The following TEX36 variants were observed in gnomAD, a reference collection of about 807,000 sequenced individuals.
TEX36 encodes testis expressed 36, also known as testis-expressed protein 36.
A neutral mutation model predicts 13.6 loss-of-function variants in TEX36; 12 were observed. That is an observed-to-expected ratio of 0.88 (90% CI 0.56 to 1.43). The LOEUF (loss-of-function observed/expected upper bound fraction) is 1.43. Ranked by LOEUF, TEX36 falls within the 40% of genes most tolerant of loss-of-function variation. TEX36 has a pLI of 0.00. For synonymous variants in TEX36, 93 were observed against 83.0 expected, an observed-to-expected ratio of 1.12 and a Z score of -0.65; for missense variants, 224 against 228.3, an observed-to-expected ratio of 0.98 and a Z score of 0.12.
chr10:125,658,223 T>C lies in TEX36; in HGVS notation c.265-2027A>G, dbSNP rs1237150670. On this transcript the variant is annotated intron_variant, in intron 3 of 3. Coordinates refer to ENST00000368821, the MANE Select transcript of TEX36 (RefSeq NM_001128202.3). The stretch of plus-strand genomic sequence containing the variant: ...ATTATGGAGACAAAGGAATGGCCCA[T>C]AACATAAAGAACAAACATTAGCAAA... 2.6e-5 allele frequency among the ~76,000 whole-genome samples: 4 copies of C among 151,882 alleles called. No individual in the cohort carries two copies. The South Asian group carries it at 6.2e-4, about 24-fold the overall frequency.
intron 1 of TEX36, chr10:125,667,203 A>G: frequency 1.5e-6 from 1 of 645,210 alleles, no homozygotes; most frequent in Non-Finnish European, 2.9e-6. Context: ...TCACCATGGC[A>G]ATCTCCTCGT....
At chr10:125,623,051 T>A (rs1846447105) in intron 3 of TEX36, among the ~76,000 whole-genome samples, 1 of 152,188 alleles carries the variant, frequency 6.6e-6, no homozygotes, top group Admixed American at 6.5e-5. Context: ...TTTCATCCCT[T>A]GATTCCTGGA....
intron 1 of TEX36, among the ~76,000 whole-genome samples, chr10:125,682,321 G>C (rs1847409300): frequency 1.3e-5 from 2 of 152,238 alleles, no homozygotes; most frequent in African/African-American, 4.8e-5. Context: ...AGAAGAGCAA[G>C]AGTTGGGGGA....
At chr10:125,639,813 G>A (rs1395822839) in intron 3 of TEX36, among the ~76,000 whole-genome samples, 1 of 152,170 alleles carries the variant, frequency 6.6e-6, no homozygotes, top group African/African-American at 2.4e-5. Flanking sequence ...ATTCTTTGGA[G>A]GAACAATAAG....
chr10:125,619,544 G>T (rs921109282), downstream of TEX36, among the ~76,000 whole-genome samples: 1 of 152,008 alleles, frequency 6.6e-6, no homozygotes, highest in Non-Finnish European at 1.5e-5. Flanking sequence ...GAAGTAATTT[G>T]TTTTTTGTTT....
chr10:125,674,391 T>C (rs1057201679), intron 1 of TEX36, among the ~76,000 whole-genome samples: 8 of 152,222 alleles, frequency 5.3e-5, no homozygotes, highest in African/African-American at 1.9e-4. Flanking sequence ...GTGAAGTTTG[T>C]TATTACTCAC....
chr10:125,598,186 G>A (rs1846104793), intron 3 of TEX36, among the ~76,000 whole-genome samples: 1 of 152,140 alleles, frequency 6.6e-6, no homozygotes, highest in Non-Finnish European at 1.5e-5. Flanking sequence ...GTGTATGGTT[G>A]TTTGTCACGT....
At chr10:125,582,929 C>T (rs1044949992) in intron 3 of TEX36, among the ~76,000 whole-genome samples, 4 of 152,138 alleles carry the variant, frequency 2.6e-5, no homozygotes, top group Non-Finnish European at 5.9e-5. Context: ...TAGTTGTATT[C>T]CATGGAGATC....
chr10:125,618,359 C>T (rs113943489), downstream of TEX36, among the ~76,000 whole-genome samples: 20 of 152,204 alleles, frequency 1.3e-4, no homozygotes, highest in South Asian at 6.2e-4. Flanking sequence ...GGAGGAGAGG[C>T]GCTCTGCTTT....
At chr10:125,595,373 C>A (rs912999641) in intron 3 of TEX36, among the ~76,000 whole-genome samples, 10 of 152,140 alleles carry the variant, frequency 6.6e-5, no homozygotes, top group Non-Finnish European at 1.5e-4. Flanking sequence ...CAAAATCAGA[C>A]AAGAACATTC....
intron 3 of TEX36, among the ~76,000 whole-genome samples, chr10:125,632,587 A>G (rs993562563): frequency 2.0e-5 from 3 of 152,176 alleles, no homozygotes; most frequent in African/African-American, 7.2e-5. Flanking sequence ...AGGAATGCCT[A>G]GAAGAGAAGC....
intron 3 of TEX36, among the ~76,000 whole-genome samples, chr10:125,592,961 C>A (rs1324748603): frequency 6.6e-6 from 1 of 152,188 alleles, no homozygotes; most frequent in African/African-American, 2.4e-5. Context: ...CCAGGAACCT[C>A]CATGGGTTCA....
intron 3 of TEX36, among the ~76,000 whole-genome samples, chr10:125,603,149 T>C (rs1846170477): frequency 6.6e-6 from 1 of 152,350 alleles, no homozygotes; most frequent in Non-Finnish European, 1.5e-5. Context: ...CCAGCCTTCC[T>C]GTCCTAAGAG....
chr10:125,661,874 A>G lies in TEX36; in HGVS notation c.155T>C (p.Leu52Pro). The change falls in exon 2 of 4, where the codon CTG becomes CCG. Residue 52 changes from leucine (L) to proline (P), a missense_variant. Coordinates refer to ENST00000368821, the MANE Select transcript of TEX36 (RefSeq NM_001128202.3). ...CTCCCGGACTTTGTATATGGGCGGC[A>G]GCTTCCCCTCCGCTTGCCGAGGCAA... Reference protein sequence around the residue: ...PHLPRQAEGKLPPIYKVREKQ... With the variant: ...PHLPRQAEGKPPPIYKVREKQ... The G allele has an allele frequency of 6.4e-7, 1 of 1,551,974 alleles. No individual in the cohort carries two copies. Among genetic ancestry groups the G allele is most frequent in the South Asian group, 1.2e-5 (1 of 84,068 alleles).
In TEX36 at chr10:125,615,725, G is replaced by A. The variant is rs1296987636; in HGVS notation, c.265-38851C>T. Among the ~76,000 whole-genome samples, 8 of 151,854 alleles carry A rather than the reference G, an allele frequency of 5.3e-5. 1 individual carries two copies. The South Asian group carries it at 1.7e-3, about 32-fold the overall frequency. Reference sequence around the variant, plus strand: ...GATTTTTGCATCAATGTTCATCAAGGATATTGGTCTAAAATTCTCTTTTTT... The same window carrying A: ...GATTTTTGCATCAATGTTCATCAAGAATATTGGTCTAAAATTCTCTTTTTT... On this transcript the variant is annotated intron_variant, in intron 3 of 3. Coordinates refer to the TEX36 transcript ENST00000532135.
At chr10:125,640,180 C>A in intron 3 of TEX36, 1 of 985,438 alleles carries the variant, frequency 1.0e-6, no homozygotes, top group Non-Finnish European at 1.2e-6. Flanking sequence ...GAGTAGAAAT[C>A]ATTGTTCTTG....
rs545536444 is a variant in TEX36, at chr10:125,606,566, G to A, written c.265-29692C>T. Among the ~76,000 whole-genome samples the A allele has an allele frequency of 4.6e-5, 7 of 152,294 alleles. No homozygotes were observed. In the South Asian group the frequency reaches 1.0e-3, roughly 23 times the overall value. ...TAGCTGCTCTACCCAGTGCTGAGCC[G>A]TGCTGTGCTGTAGCTTATCAGATCA... On this transcript the variant is annotated intron_variant, in intron 3 of 3. Coordinates refer to the TEX36 transcript ENST00000532135.
intron 3 of TEX36, among the ~76,000 whole-genome samples, chr10:125,628,809 C>T (rs1308250829): frequency 6.6e-6 from 1 of 152,172 alleles, no homozygotes; most frequent in Non-Finnish European, 1.5e-5. Flanking sequence ...CAGACATTGT[C>T]ACAGACATCC....
At chr10:125,595,982 C>A (rs1846078091) in intron 3 of TEX36, among the ~76,000 whole-genome samples, 1 of 152,188 alleles carries the variant, frequency 6.6e-6, no homozygotes, top group Non-Finnish European at 1.5e-5. Flanking sequence ...AGAAATCTCA[C>A]TTATAAAGTT....
Sources: gnomAD v4.1 joint callset for allele counts (sites outside exome capture counted in the v4.1 genomes callset) on GRCh38, gnomAD v4.1.1 for gene constraint, MANE v1.5 for transcripts, NCBI Gene and HGNC (gene_info 2026-07-23, HGNC 2026-07-21) for gene names.